The following HS1BP3 variants were observed in gnomAD, a reference collection of about 807,000 sequenced individuals.
HS1BP3 encodes HCLS1 binding protein 3, also known as HCLS1-binding protein 3.
HS1BP3 carries 32 observed loss-of-function variants against 33.5 expected under a neutral mutation model. That is an observed-to-expected ratio of 0.95 (90% CI 0.72 to 1.28). HS1BP3 has a LOEUF of 1.28. HS1BP3 is among the 50% of genes most tolerant of loss of function. The pLI is 0.00. For synonymous variants in HS1BP3, 187 were observed against 209.2 expected (o/e 0.89, Z 0.92); for missense variants, 486 against 502.3 (o/e 0.97, Z 0.31).
chr2:20,638,839 C>T (rs562567958), intron 3 of HS1BP3, among the ~76,000 whole-genome samples, 187 bp from the exon 4 acceptor site: 4 of 152,318 alleles, frequency 2.6e-5, no homozygotes, highest in East Asian at 1.9e-4. Flanking sequence ...AGGTGACCTC[C>T]GTTTCGGGGG....
downstream of HS1BP3, among the ~76,000 whole-genome samples, chr2:20,615,984 T>C (rs1346459946): frequency 6.6e-6 from 1 of 152,214 alleles, no homozygotes; most frequent in Non-Finnish European, 1.5e-5. Context: ...CTAGGGACTT[T>C]CCAGAACTGG....
rs1180856559 is a variant in HS1BP3, at chr2:20,618,153, T to A, written c.*834A>T. The stretch of plus-strand genomic sequence containing the variant: ...TGACCCAGTTTGCTGAGAGCTGCAA[T>A]GACGAACATTGGCTCTGTGCCCAGA... On this transcript the variant is annotated 3_prime_UTR_variant, in exon 7 of 7. Transcript: ENST00000304031. The A allele has an allele frequency of 6.6e-6, 1 of 152,214 alleles. No individual in the cohort carries two copies. Among genetic ancestry groups the A allele is most frequent in the African/African-American group, 2.4e-5 (1 of 41,428 alleles). The allele number at this position is 152,214 out of a possible 1,614,324, so 9.4% of individuals were successfully genotyped here.
At chr2:20,577,205 T>C (rs1218827340) in intron 5 of HS1BP3, among the ~76,000 whole-genome samples, 2 of 151,978 alleles carry the variant, frequency 1.3e-5, no homozygotes, top group African/African-American at 2.4e-5. Flanking sequence ...CTGATATTCA[T>C]GTACAATTGA....
At position 20,596,153 on chromosome 2, in the gene HS1BP3, G is replaced by A. The variant is rs374312729; in HGVS notation, c.*12+2055C>T. Among the ~76,000 whole-genome samples, 5 of 152,178 alleles carry A rather than the reference G, an allele frequency of 3.3e-5. No individual in the cohort carries two copies. In the South Asian group the frequency reaches 6.2e-4, roughly 19 times the overall value. The stretch of plus-strand genomic sequence containing the variant: ...TCTCACAACTCTCCCCTCCTTCCCC[G>A]TGACACTGCTCTAATCCCACCTCTG... On this transcript the variant is annotated intron_variant, in intron 3 of 3. Transcript: ENST00000415264.
downstream of HS1BP3, among the ~76,000 whole-genome samples, chr2:20,617,144 T>C (rs1694445363): frequency 6.6e-6 from 1 of 151,936 alleles, no homozygotes; most frequent in South Asian, 2.1e-4. Flanking sequence ...GGAGCCAGCA[T>C]CAGGGTGCAG....
chr2:20,645,727 T>C (rs570786292), intron 1 of HS1BP3, among the ~76,000 whole-genome samples: 1 of 152,318 alleles, frequency 6.6e-6, no homozygotes, highest in South Asian at 2.1e-4. Context: ...TGCCTTTGGG[T>C]TGCTCAGGGA....
downstream of HS1BP3, among the ~76,000 whole-genome samples, chr2:20,615,852 G>A (rs1220945129): frequency 6.6e-6 from 1 of 152,204 alleles, no homozygotes; most frequent in Admixed American, 6.5e-5. Context: ...AGGAGCCCGT[G>A]GGGCACATGG....
At chr2:20,570,703 G>T (rs1693245570) in intron 5 of HS1BP3, among the ~76,000 whole-genome samples, 1 of 152,200 alleles carries the variant, frequency 6.6e-6, no homozygotes, top group Non-Finnish European at 1.5e-5. Context: ...CCAGGTGTTA[G>T]TAAGATTCTG....
Position 20,651,020 on chromosome 2 carries a change from G to T in HS1BP3, c.32+12C>A. The stretch of plus-strand genomic sequence containing the variant: ...CGAGCTGTGCGGTGTGGGGCGCGGG[G>T]GTCTGGCTCACCTGGAGGTGACGAG... On this transcript the variant is annotated intron_variant, in intron 1 of 6. Coordinates refer to ENST00000304031, the MANE Select transcript of HS1BP3 (RefSeq NM_022460.4). 1 of 1,239,814 alleles carries T rather than the reference G, an allele frequency of 8.1e-7. No individual in the cohort carries two copies. Among genetic ancestry groups the T allele is most frequent in the Non-Finnish European group, 1.0e-6 (1 of 992,684 alleles). 76.8% of individuals were successfully genotyped at this position (1,239,814 alleles called of 1,614,324 possible). A position where few individuals can be genotyped will look rare whatever the true frequency, so the allele number is the denominator to read the frequency against.
At chr2:20,609,445 G>C (rs932288214) in intron 2 of HS1BP3, among the ~76,000 whole-genome samples, 9 of 12,564 alleles carry the variant, frequency 7.2e-4, no homozygotes, top group Non-Finnish European at 1.2e-3. Flanking sequence ...CGTGAGGCCT[G>C]TTGTAGCTCA....
At chr2:20,613,466 G>A (rs1478373181), downstream of HS1BP3, among the ~76,000 whole-genome samples, 3 of 152,234 alleles carry the variant, frequency 2.0e-5, no homozygotes, top group African/African-American at 4.8e-5. Context: ...GGTCCAGCCA[G>A]GGAAGGCCTT....
rs201910105 is a variant in HS1BP3, at chr2:20,645,361, G to A, written c.177C>T (p.Pro59=). The part of the protein sequence containing the change: ...LAAFKSAKHR[P]EDVVQFLVSK... The stretch of plus-strand genomic sequence containing the variant: ...TCACCAAGAACTGGACGACATCCTC[G>A]GGCCTGTGCTTGGCCGACTTGAACG... The change falls in exon 2 of 7, where the codon CCC becomes CCT. Residue 59 remains proline (P), a synonymous_variant. Transcript: ENST00000304031. The A allele has an allele frequency of 1.8e-3, 2,923 of 1,613,802 alleles. 48 individuals carry two copies. In the South Asian group the frequency reaches 0.022, roughly 12 times the overall value.
At chr2:20,627,821 G>A (rs375306724) in intron 4 of HS1BP3, among the ~76,000 whole-genome samples, 2 of 152,110 alleles carry the variant, frequency 1.3e-5, no homozygotes, top group African/African-American at 2.4e-5. Flanking sequence ...TATCCTGAGC[G>A]GCCCAAAACT....
At chr2:20,591,365 G>A (rs921599), downstream of HS1BP3, 106,247 of 161,876 alleles carry the variant, frequency 0.66, 38,980 homozygotes, top group East Asian at 0.82. Flanking sequence ...ATTGAGTCTT[G>A]CTTGAAGCTG....
At chr2:20,586,843 G>A (rs542660746) in intron 5 of HS1BP3, among the ~76,000 whole-genome samples, 5 of 152,232 alleles carry the variant, frequency 3.3e-5, no homozygotes, top group Admixed American at 6.5e-5. Flanking sequence ...GAACATTTGC[G>A]TTTCGTTAAT....
chr2:20,642,180 A>T (rs1255075195), intron 2 of HS1BP3, among the ~76,000 whole-genome samples: 1 of 152,194 alleles, frequency 6.6e-6, no homozygotes, highest in East Asian at 1.9e-4. Context: ...TTATGCTCCC[A>T]GGCCCGGACT....
chr2:20,643,753 C>A (rs1332382868), intron 2 of HS1BP3, among the ~76,000 whole-genome samples: 2 of 152,108 alleles, frequency 1.3e-5, no homozygotes, highest in Admixed American at 6.5e-5. Context: ...CATAACAAGA[C>A]ACTATGTCTA....
chr2:20,614,173 G>A (rs531719863), downstream of HS1BP3, among the ~76,000 whole-genome samples: 4 of 152,286 alleles, frequency 2.6e-5, no homozygotes, highest in African/African-American at 9.6e-5. Flanking sequence ...AGTGTTGCCA[G>A]GAAACCCCCA....
chr2:20,561,111 G>A (rs573798057), intron 5 of HS1BP3, among the ~76,000 whole-genome samples: 107 of 152,244 alleles, frequency 7.0e-4, no homozygotes, highest in African/African-American at 2.1e-3. Flanking sequence ...TGCCTGCCTC[G>A]TCATGCCTCT....
Sources: gnomAD v4.1 joint callset for allele counts (sites outside exome capture counted in the v4.1 genomes callset) on GRCh38, gnomAD v4.1.1 for gene constraint, MANE v1.5 for transcripts, NCBI Gene and HGNC (gene_info 2026-07-23, HGNC 2026-07-21) for gene names.